Variants in DCLK2 observed in about 807,000 individuals in gnomAD.
DCLK2 encodes doublecortin like kinase 2.
DCLK2 carries 31 observed loss-of-function variants against 78.4 expected under a neutral mutation model. That is an observed-to-expected ratio of 0.40 (90% CI 0.30 to 0.53). The LOEUF is 0.53. Among genes scored for constraint, DCLK2 ranks in the 20% least tolerant of loss-of-function variants. DCLK2 has a pLI of 0.61. For missense variants in DCLK2, 872 were observed against 973.7 expected (o/e 0.90, Z 1.39); for synonymous variants, 407 against 374.9 (o/e 1.09, Z -0.99).
rs1284098676 is a variant in DCLK2 at position 150,226,732 on chromosome 4, AT to A, written c.1299+2179del. Reference sequence around the variant, plus strand: ...CTATTTTTATAATGCATGATCAAATATTTTTCCACTTTTACATTTTGCTTAT... The same window carrying A: ...CTATTTTTATAATGCATGATCAAATATTTTCCACTTTTACATTTTGCTTAT... On this transcript the variant is annotated intron_variant, in intron 8 of 15. Coordinates refer to ENST00000296550, the MANE Select transcript of DCLK2 (RefSeq NM_001040260.4). Among the ~76,000 whole-genome samples, 5 of 152,108 alleles carry A rather than the reference AT, an allele frequency of 3.3e-5. No homozygotes were observed. The South Asian group carries it at 1.0e-3, about 31-fold the overall frequency.
chr4:150,176,117 C>T (rs1230965242), intron 2 of DCLK2, among the ~76,000 whole-genome samples: 4 of 152,306 alleles, frequency 2.6e-5, no homozygotes, highest in Non-Finnish European at 5.9e-5. Flanking sequence ...TGTCATGCCT[C>T]CCTCTTGTCT....
intron 14 of DCLK2, 56 bp from the exon 15 acceptor site, chr4:150,249,512 C>T: frequency 1.3e-6 from 2 of 1,505,850 alleles, no homozygotes; most frequent in Non-Finnish European, 1.8e-6. Context: ...AAGGAAAAGA[C>T]AACTCAAACG....
At chr4:150,172,247 T>G (rs1232253020) in intron 2 of DCLK2, among the ~76,000 whole-genome samples, 2 of 152,172 alleles carry the variant, frequency 1.3e-5, no homozygotes, top group Non-Finnish European at 2.9e-5. Flanking sequence ...TTTTTAAATT[T>G]TCTTTGTGCC....
At chr4:150,245,328 C>T (rs910792270) in intron 12 of DCLK2, among the ~76,000 whole-genome samples, 3 of 152,200 alleles carry the variant, frequency 2.0e-5, no homozygotes, top group African/African-American at 4.8e-5. Context: ...CTTCACCAAA[C>T]TCTGTGGACC....
chr4:150,081,997 CAA>C (rs1216080802), intron 1 of DCLK2, among the ~76,000 whole-genome samples: 8 of 60,158 alleles, frequency 1.3e-4, no homozygotes, highest in Admixed American at 1.8e-4. Flanking sequence ...GACTCTGTCT[CAA>C]AAAAAAAAAA....
intron 2 of DCLK2, among the ~76,000 whole-genome samples, chr4:150,172,575 C>CCAGCCTGG (rs1356842472): frequency 6.9e-6 from 1 of 144,646 alleles, no homozygotes; most frequent in Admixed American, 7.1e-5. Context: ...CCACTGCACT[C>CCAGCCTGG]CAGCCTGGGG....
At chr4:150,101,557 C>T (rs1006925380) in intron 1 of DCLK2, among the ~76,000 whole-genome samples, 3 of 151,508 alleles carry the variant, frequency 2.0e-5, no homozygotes, top group African/African-American at 7.3e-5. Flanking sequence ...TTAGTATAAC[C>T]CTCTTATCTT....
chr4:150,125,417 C>T (rs892358286), intron 2 of DCLK2, among the ~76,000 whole-genome samples: 3 of 152,170 alleles, frequency 2.0e-5, no homozygotes, highest in South Asian at 4.2e-4. Context: ...TTATTGTATT[C>T]ACCCTCAAAT....
At chr4:150,171,070 G>C (rs1157768689) in intron 2 of DCLK2, among the ~76,000 whole-genome samples, 2 of 152,134 alleles carry the variant, frequency 1.3e-5, no homozygotes, top group African/African-American at 4.8e-5. Context: ...GAGTGAATTT[G>C]GATTAAATGA....
rs151014573 is a variant in DCLK2, at chr4:150,164,782, G to A, written c.757-28356G>A. Among the ~76,000 whole-genome samples, 1,041 of 151,678 alleles carry A rather than the reference G, an allele frequency of 6.9e-3. 6 individuals carry two copies. The highest frequency in any genetic ancestry group is 0.02 in the Middle Eastern group (6 of 294). ...CCACTGCACTCCAGCCTGGGCAACA[G>A]AGTGAGACACTGTCTCAAAAAAAAA... is the stretch of plus-strand genomic sequence containing the variant. On this transcript the variant is annotated intron_variant, in intron 2 of 15. Transcript: ENST00000296550.
intron 2 of DCLK2, among the ~76,000 whole-genome samples, chr4:150,163,992 G>A (rs186568721): frequency 6.6e-6 from 1 of 152,300 alleles, no homozygotes; most frequent in Non-Finnish European, 1.5e-5. Flanking sequence ...GACCAGGCTG[G>A]TCTCAAACTC....
intron 3 of DCLK2, among the ~76,000 whole-genome samples, chr4:150,197,018 G>C (rs1739088211): frequency 6.6e-6 from 1 of 152,128 alleles, no homozygotes; most frequent in Non-Finnish European, 1.5e-5. Flanking sequence ...AACCAGGCGT[G>C]GTGGTGGGCG....
At chr4:150,198,226 A>G (rs919169110) in intron 4 of DCLK2, 123 bp downstream of exon 4, 2 of 771,142 alleles carry the variant, frequency 2.6e-6, no homozygotes, top group Admixed American at 3.7e-5. Flanking sequence ...CCAGAAAAAC[A>G]GAGATGATGT....
intron 3 of DCLK2, among the ~76,000 whole-genome samples, chr4:150,196,229 G>T (rs1264721491): frequency 1.3e-5 from 2 of 152,114 alleles, no homozygotes; most frequent in Non-Finnish European, 2.9e-5. Context: ...ATCGATACAG[G>T]ATTGGTTCCA....
intron 15 of DCLK2, chr4:150,253,157 G>T: frequency 2.1e-6 from 1 of 470,244 alleles, no homozygotes; most frequent in South Asian, 1.5e-5. Context: ...CCTGTCTTCG[G>T]AACAGTTTTA....
chr4:150,158,995 A>G (rs1169514620), intron 2 of DCLK2, among the ~76,000 whole-genome samples: 1 of 152,216 alleles, frequency 6.6e-6, no homozygotes, highest in East Asian at 1.9e-4. Flanking sequence ...GAGTATGTTG[A>G]GAAGAAGAAA....
At chr4:150,139,174 A>C (rs964150234) in intron 2 of DCLK2, among the ~76,000 whole-genome samples, 66 of 152,280 alleles carry the variant, frequency 4.3e-4, no homozygotes, top group African/African-American at 1.3e-3. Flanking sequence ...GCCAGGTCTT[A>C]GTTATTTAAA....
At chr4:150,216,682 C>T (rs1261223657) in intron 5 of DCLK2, among the ~76,000 whole-genome samples, 1 of 152,098 alleles carries the variant, frequency 6.6e-6, no homozygotes, top group Non-Finnish European at 1.5e-5. Context: ...GCACATTTCC[C>T]TTCCTTGCTT....
intron 12 of DCLK2, among the ~76,000 whole-genome samples, chr4:150,241,092 A>G (rs764949613): frequency 6.6e-6 from 1 of 152,206 alleles, no homozygotes; most frequent in South Asian, 2.1e-4. Context: ...AGCAGTTTTT[A>G]TATCCTCTTT....
Sources: allele counts gnomAD v4.1 joint callset (sites outside exome capture counted in the v4.1 genomes callset), GRCh38; gene constraint gnomAD v4.1.1; transcripts MANE v1.5; gene names NCBI Gene and HGNC (gene_info 2026-07-23, HGNC 2026-07-21).